The following PTPRD variants were observed in gnomAD, a reference collection of about 807,000 sequenced individuals.
PTPRD encodes receptor-type tyrosine-protein phosphatase delta.
PTPRD carries 34 observed loss-of-function variants against 214.5 expected under a neutral mutation model. That is an observed-to-expected ratio of 0.16 (90% CI 0.12 to 0.21). The LOEUF is 0.21. PTPRD is among the 10% of genes least tolerant of loss of function. PTPRD has a pLI of 1.00. For synonymous variants in PTPRD, 1,128 were observed against 845.7 expected (o/e 1.33, Z -5.79); for missense variants, 2,545 against 2,398.7 (o/e 1.06, Z -1.27).
intron 11 of PTPRD, among the ~76,000 whole-genome samples, chr9:8,975,514 A>C (rs940480267): frequency 6.6e-6 from 1 of 152,054 alleles, no homozygotes; most frequent in African/African-American, 2.4e-5. Flanking sequence ...AAATATTCAA[A>C]ATGTTTAGAT....
intron 12 of PTPRD, among the ~76,000 whole-genome samples, chr9:8,642,308 A>G (rs1162146651): frequency 6.6e-6 from 1 of 152,242 alleles, no homozygotes; most frequent in Non-Finnish European, 1.5e-5. Flanking sequence ...AACTAACAGC[A>G]TGTAACGAAT....
chr9:8,565,874 C>T (rs78793915), intron 14 of PTPRD, among the ~76,000 whole-genome samples: 7,481 of 151,998 alleles, frequency 0.049, 394 homozygotes, highest in Admixed American at 0.11. Flanking sequence ...TGGAATATTA[C>T]AGAAATAGAA....
chr9:9,070,170 T>G (rs1297936044), intron 10 of PTPRD, among the ~76,000 whole-genome samples: 3 of 152,204 alleles, frequency 2.0e-5, no homozygotes, highest in African/African-American at 4.8e-5. Context: ...TTAGCTAGAT[T>G]CTGTCTTGGT....
chr9:9,189,774 A>G (rs1593210424), intron 9 of PTPRD, among the ~76,000 whole-genome samples: 1 of 152,034 alleles, frequency 6.6e-6, no homozygotes, highest in East Asian at 1.9e-4. Context: ...TTATTTTGCT[A>G]TGCACTCAGG....
At chr9:8,561,739 A>C (rs2086450196) in intron 14 of PTPRD, among the ~76,000 whole-genome samples, 1 of 147,120 alleles carries the variant, frequency 6.8e-6, no homozygotes, top group African/African-American at 2.6e-5. Flanking sequence ...GTCTTTAGGA[A>C]AGGATCCTTG....
At chr9:9,354,521 CA>C (rs1182776997) in intron 9 of PTPRD, among the ~76,000 whole-genome samples, 5 of 141,276 alleles carry the variant, frequency 3.5e-5, no homozygotes, top group Non-Finnish European at 7.6e-5. Flanking sequence ...TAAAAACCTA[CA>C]TTTTTTTTTG....
In PTPRD at chr9:8,622,221, A is replaced by G. The variant is rs551483417; in HGVS notation, c.352+11096T>C. 7.9e-5 allele frequency among the ~76,000 whole-genome samples: 12 copies of G among 152,104 alleles called. No homozygotes were observed. The East Asian group carries it at 2.3e-3, about 30-fold the overall frequency. ...ATTACTTAAGTTTTTTTATTGCACCATATTTTCTCAAAACCGAACCAAAGT... is the reference window on the plus strand; with the variant it reads ...ATTACTTAAGTTTTTTTATTGCACCGTATTTTCTCAAAACCGAACCAAAGT... On this transcript the variant is annotated intron_variant, in intron 14 of 45. Transcript: ENST00000381196.
chr9:9,420,276 C>G (rs1441182593), intron 8 of PTPRD, among the ~76,000 whole-genome samples: 1 of 151,708 alleles, frequency 6.6e-6, no homozygotes, highest in Non-Finnish European at 1.5e-5. Context: ...TTAGTTTTCA[C>G]AAGATTAGCT....
At chr9:9,123,258 A>T (rs145808148) in intron 10 of PTPRD, among the ~76,000 whole-genome samples, 2 of 152,210 alleles carry the variant, frequency 1.3e-5, no homozygotes, top group East Asian at 3.8e-4. Flanking sequence ...CAAAAATGCA[A>T]TTCTGGTATT....
Position 10,291,622 on chromosome 9 carries a change from C to T in PTPRD, c.-545+49341G>A, listed in dbSNP as rs112228688. On this transcript the variant is annotated intron_variant, in intron 3 of 45. Coordinates refer to ENST00000381196, the MANE Select transcript of PTPRD (RefSeq NM_002839.4). ...GAGGAAGAGGCCCTAAGCCAAGAAA[C>T]GCAGGTCTAGATTCTGGGAACAGAA... is the stretch of plus-strand genomic sequence containing the variant. Among the ~76,000 whole-genome samples, 97 of 148,166 alleles carry T rather than the reference C, an allele frequency of 6.5e-4. 2 individuals are homozygous for T. The highest frequency in any genetic ancestry group is 2.3e-3 in the African/African-American group (90 of 38,536).
chr9:9,692,323 A>T (rs1455713174), intron 7 of PTPRD, among the ~76,000 whole-genome samples: 1 of 151,936 alleles, frequency 6.6e-6, no homozygotes, highest in Non-Finnish European at 1.5e-5. Context: ...AGGTAGGGAT[A>T]AAGTTTCATT....
intron 2 of PTPRD, among the ~76,000 whole-genome samples, chr9:10,421,581 C>G (rs1309982973): frequency 3.3e-5 from 5 of 151,736 alleles, no homozygotes; most frequent in Non-Finnish European, 7.4e-5. Flanking sequence ...ATTTTATGAA[C>G]GTGGTCCAGT....
chr9:10,113,048 G>T lies in PTPRD; in HGVS notation c.-544-79258C>A, dbSNP rs549596943. On this transcript the variant is annotated intron_variant, in intron 3 of 45. Transcript: ENST00000381196. ...CCAACCATCATCTGGGTTATAGTGA[G>T]ACTCTTTCTGTGTCACACTCAAAGT... is the stretch of plus-strand genomic sequence containing the variant. Among the ~76,000 whole-genome samples, 4 of 152,284 alleles carry T rather than the reference G, an allele frequency of 2.6e-5. No individual in the cohort carries two copies. In the East Asian group the frequency reaches 7.7e-4, roughly 29 times the overall value.
At chr9:10,025,849 C>T (rs1468317367) in intron 4 of PTPRD, among the ~76,000 whole-genome samples, 1 of 152,146 alleles carries the variant, frequency 6.6e-6, no homozygotes, top group Non-Finnish European at 1.5e-5. Context: ...AAATAAACAC[C>T]TGTGCTACAG....
intron 3 of PTPRD, among the ~76,000 whole-genome samples, chr9:10,081,322 C>A (rs2154189369): frequency 6.6e-6 from 1 of 152,090 alleles, no homozygotes; most frequent in East Asian, 1.9e-4. Context: ...AGATTATAAT[C>A]AATTATAAAG....
intron 12 of PTPRD, among the ~76,000 whole-genome samples, chr9:8,676,955 G>T (rs2097434358): frequency 1.3e-5 from 2 of 152,238 alleles, no homozygotes; most frequent in South Asian, 2.1e-4. Flanking sequence ...CTGTAAAAAA[G>T]AATGCCTGAA....
At chr9:8,472,737 C>T (rs1274752384) in intron 30 of PTPRD, among the ~76,000 whole-genome samples, 1 of 151,834 alleles carries the variant, frequency 6.6e-6, no homozygotes, top group Non-Finnish European at 1.5e-5. Flanking sequence ...TTAATTTCAC[C>T]TGCTTTTTAT....
At chr9:9,945,265 C>A (rs10759112) in intron 4 of PTPRD, among the ~76,000 whole-genome samples, 70,902 of 151,584 alleles carry the variant, frequency 0.47, 17,578 homozygotes, top group East Asian at 0.63. Context: ...CCTGAGATTA[C>A]GGAGAAAATA....
intron 2 of PTPRD, among the ~76,000 whole-genome samples, chr9:10,449,196 C>A (rs939084263): frequency 6.6e-6 from 1 of 151,964 alleles, no homozygotes; most frequent in African/African-American, 2.4e-5. Context: ...GGTGCCGCCA[C>A]GCCTGACTGG....
Sources: allele counts gnomAD v4.1 joint callset (sites outside exome capture counted in the v4.1 genomes callset), GRCh38; gene constraint gnomAD v4.1.1; transcripts MANE v1.5; gene names NCBI Gene and HGNC (gene_info 2026-07-23, HGNC 2026-07-21).